Variants in ACOXL observed in about 807,000 individuals in gnomAD.
ACOXL encodes acyl-CoA oxidase like.
ACOXL carries 70 observed loss-of-function variants against 71.9 expected under a neutral mutation model. The ratio of observed to expected loss-of-function variants is 0.97; its 90% CI spans 0.80 to 1.19. The LOEUF is 1.19. ACOXL is among the 50% of genes most tolerant of loss of function. ACOXL has a pLI of 0.00. For synonymous variants in ACOXL, 253 were observed against 281.6 expected (o/e 0.90, Z 1.02); for missense variants, 703 against 736.3 (o/e 0.95, Z 0.52).
At chr2:111,053,945 T>C (rs970334822) in intron 16 of ACOXL, among the ~76,000 whole-genome samples, 1 of 152,192 alleles carries the variant, frequency 6.6e-6, no homozygotes, top group Non-Finnish European at 1.5e-5. Context: ...AGAGCTAGTA[T>C]TGAAGGAGCT....
chr2:110,827,077 C>G (rs1559313198), intron 9 of ACOXL, among the ~76,000 whole-genome samples: 1 of 152,180 alleles, frequency 6.6e-6, no homozygotes, highest in African/African-American at 2.4e-5. Context: ...ACTGCATAAC[C>G]ACATTAAAGA....
chr2:110,944,472 T>C (rs1199592844), intron 12 of ACOXL, among the ~76,000 whole-genome samples: 1 of 152,192 alleles, frequency 6.6e-6, no homozygotes, highest in Non-Finnish European at 1.5e-5. Flanking sequence ...AGCATAGTCC[T>C]CAATAGGTAG....
rs72832844 is a variant in ACOXL at position 110,815,398 on chromosome 2, T to C, written c.753+10003T>C. ...CATTTTGTCTATTGTATGAAATCTA[T>C]TTCATATTCTCCTTTGTTAATTTGT... On this transcript the variant is annotated intron_variant, in intron 9 of 17. Coordinates refer to ENST00000439055, the MANE Select transcript of ACOXL (RefSeq NM_001142807.4). Among the ~76,000 whole-genome samples, 948 of 152,360 alleles carry C rather than the reference T, an allele frequency of 6.2e-3. 5 individuals carry two copies. Among genetic ancestry groups the C allele is most frequent in the Non-Finnish European group, 0.011 (750 of 68,042 alleles).
rs1248740453 is a variant in ACOXL at position 111,118,008 on chromosome 2, G to T, written c.*192G>T. 4.5e-6 allele frequency: 3 copies of T among 669,328 alleles called. No individual in the cohort carries two copies. The highest frequency in any genetic ancestry group is 7.5e-6 in the Non-Finnish European group (3 of 401,726). 41.5% of individuals were successfully genotyped at this position (669,328 alleles called of 1,614,324 possible). A position where few individuals can be genotyped will look rare whatever the true frequency, so the allele number is the denominator to read the frequency against. ...TGGCTGCTAGGAAAGAGATCCAGAC[G>T]GTCGCCTGGTGCGCTGGATCCCTGT... On this transcript the variant is annotated 3_prime_UTR_variant, in exon 18 of 18. Transcript: ENST00000439055.
At chr2:110,978,776 G>C (rs950406571) in intron 12 of ACOXL, among the ~76,000 whole-genome samples, 1 of 151,488 alleles carries the variant, frequency 6.6e-6, no homozygotes, top group African/African-American at 2.4e-5. Context: ...CTTTCAGAAA[G>C]GGTTTGCACG....
intron 10 of ACOXL, among the ~76,000 whole-genome samples, chr2:110,846,641 G>GCGCGCGCACACACACA (rs148602789): frequency 1.5e-5 from 2 of 137,928 alleles, no homozygotes; most frequent in African/African-American, 5.4e-5. Context: ...ATGCATACAC[G>GCGCGCGCACACACACA]CACACACACA....
At chr2:111,034,316 C>T (rs1428375076) in intron 15 of ACOXL, among the ~76,000 whole-genome samples, 3 of 152,144 alleles carry the variant, frequency 2.0e-5, no homozygotes, top group Non-Finnish European at 2.9e-5. Flanking sequence ...CTAGGAAAAC[C>T]TTAGTTCTTA....
chr2:110,748,670 C>T (rs774091747), intron 1 of ACOXL, among the ~76,000 whole-genome samples: 2 of 152,084 alleles, frequency 1.3e-5, no homozygotes, highest in Non-Finnish European at 2.9e-5. Context: ...GCAGGTGGCT[C>T]CTGGGAGTGG....
chr2:110,739,906 C>G (rs1370858925), intron 1 of ACOXL, among the ~76,000 whole-genome samples: 6 of 152,184 alleles, frequency 3.9e-5, no homozygotes, highest in Non-Finnish European at 7.4e-5. Context: ...CTTGGTTGGT[C>G]CACGTGGTTT....
rs149030473 is a variant in ACOXL, at chr2:110,757,658, G to C, written c.-22-10710G>C. On this transcript the variant is annotated intron_variant, in intron 1 of 17. Transcript: ENST00000439055. Reference sequence around the variant, plus strand: ...TTTCTCTAATGATCAGTGATGTTGAGCCTTTTTTCATATGTTTGTTAGCCA... The same window carrying C: ...TTTCTCTAATGATCAGTGATGTTGACCCTTTTTTCATATGTTTGTTAGCCA... Among the ~76,000 whole-genome samples, 379 of 152,152 alleles carry C rather than the reference G, an allele frequency of 2.5e-3. 1 individual carries two copies. Among genetic ancestry groups the C allele is most frequent in the African/African-American group, 8.5e-3 (353 of 41,518 alleles).
chr2:110,818,511 A>T (rs1309093212), intron 9 of ACOXL, among the ~76,000 whole-genome samples: 1 of 28,180 alleles, frequency 3.5e-5, no homozygotes, highest in Non-Finnish European at 7.6e-5. Flanking sequence ...GTATATATAT[A>T]TGTGTATGTG....
intron 10 of ACOXL, among the ~76,000 whole-genome samples, chr2:110,898,321 G>A (rs1452789043): frequency 6.6e-6 from 1 of 152,022 alleles, no homozygotes; most frequent in African/African-American, 2.4e-5. Flanking sequence ...TATTCTTCAT[G>A]AATATAGATA....
At chr2:110,779,558 C>T (rs561894510) in intron 2 of ACOXL, among the ~76,000 whole-genome samples, 2 of 152,344 alleles carry the variant, frequency 1.3e-5, no homozygotes, top group South Asian at 2.1e-4. Context: ...AGACTCACTA[C>T]ATGACTTCAG....
At chr2:111,102,670 A>C (rs1451195353) in intron 17 of ACOXL, among the ~76,000 whole-genome samples, 1 of 152,148 alleles carries the variant, frequency 6.6e-6, no homozygotes, top group Non-Finnish European at 1.5e-5. Context: ...CTCTCAGGAG[A>C]TGAGACTCAT....
chr2:110,834,557 A>G (rs1419590181), intron 9 of ACOXL, among the ~76,000 whole-genome samples: 3 of 152,262 alleles, frequency 2.0e-5, no homozygotes, highest in Admixed American at 1.3e-4. Context: ...CACACACACA[A>G]GTAAGCAGCT....
At chr2:110,982,210 C>T (rs1260820694) in intron 12 of ACOXL, among the ~76,000 whole-genome samples, 1 of 152,100 alleles carries the variant, frequency 6.6e-6, no homozygotes, top group Non-Finnish European at 1.5e-5. Flanking sequence ...GGCTGGAGTG[C>T]AGTGGCGCAA....
At chr2:110,866,451 G>T (rs1355187024) in intron 10 of ACOXL, among the ~76,000 whole-genome samples, 1 of 152,172 alleles carries the variant, frequency 6.6e-6, no homozygotes, top group Non-Finnish European at 1.5e-5. Flanking sequence ...GACATGAATA[G>T]CCAGAGCCGA....
chr2:110,920,720 A>G (rs1342901373), intron 11 of ACOXL, among the ~76,000 whole-genome samples: 1 of 152,026 alleles, frequency 6.6e-6, no homozygotes, highest in African/African-American at 2.4e-5. Context: ...GTTAATCTCT[A>G]CAAAAAAGAT....
intron 3 of ACOXL, among the ~76,000 whole-genome samples, chr2:110,785,572 T>C (rs545260476): frequency 6.6e-6 from 1 of 152,230 alleles, no homozygotes; most frequent in Admixed American, 6.5e-5. Flanking sequence ...TCCATCTCTA[T>C]AGTTTTGTCA....
Sources: gnomAD v4.1 joint callset for allele counts (sites outside exome capture counted in the v4.1 genomes callset) on GRCh38, gnomAD v4.1.1 for gene constraint, MANE v1.5 for transcripts, NCBI Gene and HGNC (gene_info 2026-07-23, HGNC 2026-07-21) for gene names.